CDH13: variants seen among roughly 807,000 people sequenced by gnomAD.
CDH13 encodes cadherin 13, also known as cadherin-13.
A neutral mutation model predicts 63.8 loss-of-function variants in CDH13; 24 were observed. The observed-to-expected ratio is 0.38, with a 90% CI of 0.27 to 0.53. CDH13 has a LOEUF of 0.53. Ranked by LOEUF, CDH13 falls within the 20% of genes least tolerant of loss-of-function variation. The pLI, the probability that CDH13 is intolerant of heterozygous loss-of-function variation, is 0.85. For synonymous variants in CDH13, 503 were observed against 355.3 expected (o/e 1.42, Z -4.67); for missense variants, 1,049 against 903.1 (o/e 1.16, Z -2.07).
rs74409665 is a variant in CDH13 at position 82,851,490 on chromosome 16, C to T, written c.46-6872C>T. Among the ~76,000 whole-genome samples the T allele has an allele frequency of 2.9e-3, 441 of 151,154 alleles. 3 individuals are homozygous for T. The highest frequency in any genetic ancestry group is 9.4e-3 in the African/African-American group (386 of 41,258). On this transcript the variant is annotated intron_variant, in intron 1 of 13. Coordinates refer to ENST00000567109, the MANE Select transcript of CDH13 (RefSeq NM_001257.5). Reference sequence around the variant, plus strand: ...AAAAAGAAAGCAACAATGGGACCGACGAAACTAAAAGCAGTCTCCCCTTTT... The same window carrying T: ...AAAAAGAAAGCAACAATGGGACCGATGAAACTAAAAGCAGTCTCCCCTTTT...
At chr16:83,224,537 G>A (rs1471857516) in intron 5 of CDH13, among the ~76,000 whole-genome samples, 1 of 152,198 alleles carries the variant, frequency 6.6e-6, no homozygotes, top group Non-Finnish European at 1.5e-5. Context: ...ACACACATGT[G>A]ACCTAGGCAA....
At chr16:82,683,579 C>G (rs1339715067) in intron 1 of CDH13, among the ~76,000 whole-genome samples, 4 of 152,152 alleles carry the variant, frequency 2.6e-5, no homozygotes, top group Non-Finnish European at 5.9e-5. Context: ...ACCAGAAGGA[C>G]CAGCAGCTCT....
rs185640952 is a variant in CDH13 at position 82,662,123 on chromosome 16, C to A, written c.45+34986C>A. Among the ~76,000 whole-genome samples the A allele has an allele frequency of 1.5e-3, 229 of 151,392 alleles. 1 individual carries two copies. Among genetic ancestry groups the A allele is most frequent in the African/African-American group, 5.4e-3 (222 of 41,314 alleles). ...TATGTCCATAGAATGGAGTATTCTCCATATTCTCAATGAAGTAAATGCAGA... is the reference window on the plus strand; with the variant it reads ...TATGTCCATAGAATGGAGTATTCTCAATATTCTCAATGAAGTAAATGCAGA... On this transcript the variant is annotated intron_variant, in intron 1 of 13. Transcript: ENST00000567109.
chr16:82,899,152 T>A (rs2041371900), intron 2 of CDH13, among the ~76,000 whole-genome samples: 1 of 152,198 alleles, frequency 6.6e-6, no homozygotes, highest in Admixed American at 6.5e-5. Flanking sequence ...GCAAGCTCAG[T>A]CCACAGGGTC....
At chr16:82,830,376 T>A (rs1172124713) in intron 1 of CDH13, among the ~76,000 whole-genome samples, 2 of 152,262 alleles carry the variant, frequency 1.3e-5, no homozygotes, top group Admixed American at 1.3e-4. Flanking sequence ...GAGTTGAGCA[T>A]CTTTTCTCTC....
intron 10 of CDH13, among the ~76,000 whole-genome samples, chr16:83,682,609 C>G (rs186481065): frequency 9.1e-4 from 139 of 152,148 alleles, no homozygotes; most frequent in Non-Finnish European, 1.5e-3. Flanking sequence ...TGCTGTGTCC[C>G]GAGAACACGG....
At chr16:83,540,718 G>A (rs772470376) in intron 7 of CDH13, among the ~76,000 whole-genome samples, 116 of 152,170 alleles carry the variant, frequency 7.6e-4, no homozygotes, top group Non-Finnish European at 1.4e-3. Context: ...AGTAACTGTT[G>A]TAGTGACTGG....
At chr16:83,510,153 C>T (rs8044081) in intron 7 of CDH13, among the ~76,000 whole-genome samples, 30,452 of 152,048 alleles carry the variant, frequency 0.2, 3,282 homozygotes, top group South Asian at 0.25. Context: ...GAAATAAAAG[C>T]AAAACAGTGA....
intron 8 of CDH13, among the ~76,000 whole-genome samples, chr16:83,609,866 A>T (rs1013855390): frequency 5.3e-5 from 8 of 152,204 alleles, no homozygotes; most frequent in Non-Finnish European, 8.8e-5. Context: ...ACCCATGAGC[A>T]GTTACTCCCC....
At chr16:83,555,518 C>G (rs376375664) in intron 7 of CDH13, among the ~76,000 whole-genome samples, 10 of 152,134 alleles carry the variant, frequency 6.6e-5, no homozygotes, top group African/African-American at 1.7e-4. Flanking sequence ...CTGGAAAAGC[C>G]GAAAGATTTA....
chr16:83,149,395 T>G (rs978515775), intron 4 of CDH13, among the ~76,000 whole-genome samples: 1 of 152,164 alleles, frequency 6.6e-6, no homozygotes, highest in Non-Finnish European at 1.5e-5. Flanking sequence ...AACTCAAGTA[T>G]TTAATATTAT....
At chr16:83,571,824 G>A (rs1034753834) in intron 7 of CDH13, among the ~76,000 whole-genome samples, 1 of 152,166 alleles carries the variant, frequency 6.6e-6, no homozygotes, top group African/African-American at 2.4e-5. Context: ...GCCTGAGCTA[G>A]AAACTACCTA....
chr16:82,795,772 G>T (rs1330829736), intron 1 of CDH13, among the ~76,000 whole-genome samples: 1 of 152,064 alleles, frequency 6.6e-6, no homozygotes, highest in Non-Finnish European at 1.5e-5. Flanking sequence ...TGGCTGTAGT[G>T]GTGCAGTGAC....
chr16:83,663,346 G>A (rs1376959603), intron 8 of CDH13, among the ~76,000 whole-genome samples: 9 of 152,080 alleles, frequency 5.9e-5, no homozygotes, highest in Non-Finnish European at 4.4e-5. Context: ...ACTCAAAACC[G>A]CTAAGATTTT....
At chr16:83,242,439 T>A (rs1188214414) in intron 5 of CDH13, among the ~76,000 whole-genome samples, 1 of 152,184 alleles carries the variant, frequency 6.6e-6, no homozygotes, top group Non-Finnish European at 1.5e-5. Flanking sequence ...TCAAAAGATT[T>A]TTTCCCCAAA....
At chr16:82,847,753 G>A (rs983254000) in intron 1 of CDH13, among the ~76,000 whole-genome samples, 1 of 152,154 alleles carries the variant, frequency 6.6e-6, no homozygotes, top group South Asian at 2.1e-4. Flanking sequence ...CGTTTCTCTA[G>A]CAAAGAGCAT....
At chr16:82,916,954 G>A (rs1253402062) in intron 2 of CDH13, among the ~76,000 whole-genome samples, 1 of 152,154 alleles carries the variant, frequency 6.6e-6, no homozygotes, top group Non-Finnish European at 1.5e-5. Flanking sequence ...AATATCCAAA[G>A]CCTTAACAGA....
At chr16:82,690,199 C>G (rs1244280201) in intron 1 of CDH13, among the ~76,000 whole-genome samples, 3 of 149,652 alleles carry the variant, frequency 2.0e-5, no homozygotes, top group Admixed American at 1.3e-4. Flanking sequence ...TTCTCATGAC[C>G]CCGGGTGGGT....
At chr16:82,786,276 A>AT (rs953085025) in intron 1 of CDH13, among the ~76,000 whole-genome samples, 67 of 150,590 alleles carry the variant, frequency 4.4e-4, no homozygotes, top group African/African-American at 7.5e-4. Flanking sequence ...TTAAGGTTTG[A>AT]TTTTTTTTTT....
Sources: allele counts gnomAD v4.1 joint callset (sites outside exome capture counted in the v4.1 genomes callset), GRCh38; gene constraint gnomAD v4.1.1; transcripts MANE v1.5; gene names NCBI Gene and HGNC (gene_info 2026-07-23, HGNC 2026-07-21).